Variants in CBLB observed in about 807,000 individuals in gnomAD.
The protein encoded by CBLB is Cbl proto-oncogene B.
A neutral mutation model predicts 104.9 loss-of-function variants in CBLB; 31 were observed. The ratio of observed to expected loss-of-function variants is 0.30; its 90% CI spans 0.22 to 0.40. The LOEUF is 0.40. CBLB is among the 10% of genes least tolerant of loss of function. CBLB has a pLI of 1.00. For missense variants in CBLB, 1,062 were observed against 1,214.6 expected, an observed-to-expected ratio of 0.87 and a Z score of 1.87; for synonymous variants, 440 against 422.6, an observed-to-expected ratio of 1.04 and a Z score of -0.51.
intron 3 of CBLB, among the ~76,000 whole-genome samples, chr3:105,782,561 T>C (rs2152978195): frequency 6.6e-6 from 1 of 151,244 alleles, no homozygotes; most frequent in Non-Finnish European, 1.5e-5. Context: ...GATCTCTCTG[T>C]AGTATTCTTT....
chr3:105,828,049 T>C (rs948489423), intron 3 of CBLB, among the ~76,000 whole-genome samples: 1 of 152,214 alleles, frequency 6.6e-6, no homozygotes, highest in Non-Finnish European at 1.5e-5. Flanking sequence ...CTCTAGTCTA[T>C]GGAGAAGTCA....
intron 9 of CBLB, among the ~76,000 whole-genome samples, chr3:105,732,411 C>T (rs1344253892): frequency 6.6e-6 from 1 of 151,928 alleles, no homozygotes; most frequent in Non-Finnish European, 1.5e-5. Flanking sequence ...ATGCAAATTT[C>T]GCCAACATCA....
At chr3:105,775,058 G>A (rs893567518) in intron 4 of CBLB, among the ~76,000 whole-genome samples, 1 of 152,122 alleles carries the variant, frequency 6.6e-6, no homozygotes, top group African/African-American at 2.4e-5. Context: ...AGTCTTAGCT[G>A]TCTGTGTTAT....
At chr3:105,806,628 G>A (rs2083541698) in intron 3 of CBLB, among the ~76,000 whole-genome samples, 1 of 152,004 alleles carries the variant, frequency 6.6e-6, no homozygotes, top group Non-Finnish European at 1.5e-5. Flanking sequence ...AAAGAACACA[G>A]ACATGCCATG....
intron 3 of CBLB, among the ~76,000 whole-genome samples, chr3:105,838,721 C>T (rs923639118): frequency 2.7e-5 from 4 of 148,170 alleles, no homozygotes; most frequent in Non-Finnish European, 5.9e-5. Flanking sequence ...GTGAACTCGG[C>T]TCACTGCAAT....
At chr3:105,697,227 T>C (rs1251116916) in intron 12 of CBLB, among the ~76,000 whole-genome samples, 1 of 151,956 alleles carries the variant, frequency 6.6e-6, no homozygotes, top group Non-Finnish European at 1.5e-5. Flanking sequence ...AGTGTAGACT[T>C]GTGAAAGAAG....
intron 5 of CBLB, 72 bp from the exon 6 acceptor site, chr3:105,746,110 T>C: frequency 1.0e-6 from 1 of 988,812 alleles, no homozygotes; most frequent in South Asian, 1.4e-5. Flanking sequence ...TACTGAACCA[T>C]ATTTAATACA....
Position 105,702,231 on chromosome 3 carries a change from G to C in CBLB, c.1822C>G (p.Arg608Gly), listed in dbSNP as rs1395578159. Residue 608 changes from arginine to glycine, a missense_variant, in exon 12 of 19, where the codon CGA becomes GGA. Physicochemically the swap from Arg to Gly is moderately radical, Grantham distance 125 (BLOSUM62 -2). Coordinates refer to ENST00000394030, the MANE Select transcript of CBLB (RefSeq NM_170662.5). Reference protein sequence around the residue: ...VFGTNQLVGCRLLGEGSPKPG... With the variant: ...VFGTNQLVGCGLLGEGSPKPG... The stretch of plus-strand genomic sequence containing the variant: ...TTTGGAGAGCCCTCCCCTAGGAGTC[G>C]ACATCCCACAAGCTGATTAGTCCCA... The C allele has an allele frequency of 1.9e-6, 3 of 1,613,924 alleles. No homozygotes were observed. Among genetic ancestry groups the C allele is most frequent in the Non-Finnish European group, 2.5e-6 (3 of 1,179,956 alleles).
intron 3 of CBLB, among the ~76,000 whole-genome samples, chr3:105,836,110 T>A (rs1465641913): frequency 6.6e-6 from 1 of 152,204 alleles, no homozygotes; most frequent in Non-Finnish European, 1.5e-5. Context: ...AATTAATCTC[T>A]TGATAAAGAT....
intron 9 of CBLB, among the ~76,000 whole-genome samples, chr3:105,729,525 C>T (rs1405045998): frequency 1.3e-5 from 2 of 151,958 alleles, no homozygotes; most frequent in Admixed American, 1.3e-4. Context: ...CTTTAAGGTA[C>T]CATTTTTGAA....
chr3:105,714,283 G>A (rs1323775434), intron 10 of CBLB, among the ~76,000 whole-genome samples: 6 of 152,144 alleles, frequency 3.9e-5, no homozygotes, highest in Non-Finnish European at 7.4e-5. Context: ...TTCCACGAAC[G>A]GTGGCAGGGA....
chr3:105,798,758 T>C (rs2082513142), intron 3 of CBLB, among the ~76,000 whole-genome samples: 1 of 152,190 alleles, frequency 6.6e-6, no homozygotes. Flanking sequence ...CTGCTTATTT[T>C]GAGTGACATG....
At chr3:105,832,383 G>A (rs918753483) in intron 3 of CBLB, among the ~76,000 whole-genome samples, 1 of 152,188 alleles carries the variant, frequency 6.6e-6, no homozygotes, top group Admixed American at 6.5e-5. Context: ...AACGTGGAAA[G>A]TGGTTTTACT....
intron 3 of CBLB, among the ~76,000 whole-genome samples, chr3:105,779,266 G>A (rs991571884): frequency 6.6e-6 from 1 of 152,128 alleles, no homozygotes; most frequent in Admixed American, 6.5e-5. Context: ...AACTTTAAAA[G>A]AAACATAGTA....
chr3:105,798,329 A>T (rs1475476301), intron 3 of CBLB, among the ~76,000 whole-genome samples: 3 of 152,192 alleles, frequency 2.0e-5, no homozygotes, highest in African/African-American at 4.8e-5. Flanking sequence ...TAAAATAAAT[A>T]TTATCAGTAG....
In CBLB at chr3:105,656,499, C is replaced by T. The variant is rs1024503973; in HGVS notation, c.*2471G>A. 3.2e-5 allele frequency: 6 copies of T among 188,386 alleles called. No individual in the cohort carries two copies. The highest frequency in any genetic ancestry group is 8.5e-5 in the East Asian group (1 of 11,786). 11.7% of individuals were successfully genotyped at this position (188,386 alleles called of 1,614,324 possible). On this transcript the variant is annotated 3_prime_UTR_variant, in exon 19 of 19. Coordinates refer to ENST00000394030, the MANE Select transcript of CBLB (RefSeq NM_170662.5). ...AAGTTTTCCTCTTTTCATTCCATTA[C>T]GTATGAATTTTTGATTCATTCTTTT... is the stretch of plus-strand genomic sequence containing the variant.
chr3:105,775,080 TA>T (rs199932018), intron 4 of CBLB, among the ~76,000 whole-genome samples: 1,863 of 152,298 alleles, frequency 0.012, 13 homozygotes, highest in Middle Eastern at 0.031. Flanking sequence ...CTAATTCAGA[TA>T]AGGATAAACT....
intron 9 of CBLB, among the ~76,000 whole-genome samples, chr3:105,733,497 A>T: frequency 6.6e-6 from 1 of 152,224 alleles, no homozygotes; most frequent in East Asian, 1.9e-4. Flanking sequence ...TTCAGTAAAT[A>T]GGGAACTTTA....
intron 7 of CBLB, among the ~76,000 whole-genome samples, chr3:105,738,919 T>C (rs529839137): frequency 1.3e-5 from 2 of 152,352 alleles, no homozygotes; most frequent in Admixed American, 1.3e-4. Context: ...GGTATTATTA[T>C]TATTTTTTCA....
Sources: gnomAD v4.1 joint callset for allele counts (sites outside exome capture counted in the v4.1 genomes callset) on GRCh38, gnomAD v4.1.1 for gene constraint, MANE v1.5 for transcripts, NCBI Gene and HGNC (gene_info 2026-07-23, HGNC 2026-07-21) for gene names.